Variants in ANO6 observed in about 807,000 individuals in gnomAD.
ANO6 encodes anoctamin-6.
ANO6 carries 106 observed loss-of-function variants against 117.5 expected under a neutral mutation model. The observed-to-expected ratio is 0.90, with a 90% CI of 0.77 to 1.06. ANO6 has a LOEUF of 1.06. Among genes scored for constraint, ANO6 ranks in the 50% least tolerant of loss-of-function variants. ANO6 has a pLI of 0.00. For missense variants in ANO6, 955 were observed against 1,121.1 expected (o/e 0.85, Z 2.12); for synonymous variants, 367 against 385.1 (o/e 0.95, Z 0.55).
chr12:45,359,050 C>T (rs921352660), intron 8 of ANO6, among the ~76,000 whole-genome samples: 1 of 152,188 alleles, frequency 6.6e-6, no homozygotes, highest in African/African-American at 2.4e-5. Context: ...TCCCAAAGTG[C>T]TGGGATTACA....
intron 1 of ANO6, among the ~76,000 whole-genome samples, chr12:45,246,895 G>A (rs935254684): frequency 6.6e-6 from 1 of 151,058 alleles, no homozygotes; most frequent in East Asian, 2.0e-4. Flanking sequence ...CTCCCAAGTA[G>A]CTGGGATTAC....
At position 45,272,386 on chromosome 12, in the gene ANO6, C is replaced by T. The variant is rs575060348; in HGVS notation, c.71-29628C>T. ...TTCAGTGTTTTCATCTATGTCCTGT[C>T]ATCAAACTTTTATAACTACCCTGCA... On this transcript the variant is annotated intron_variant, in intron 1 of 19. Coordinates refer to ENST00000320560, the MANE Select transcript of ANO6 (RefSeq NM_001025356.3). Among the ~76,000 whole-genome samples, 18 of 152,244 alleles carry T rather than the reference C, an allele frequency of 1.2e-4. No homozygotes were observed. In the South Asian group the frequency reaches 3.7e-3, roughly 32 times the overall value.
intron 7 of ANO6, among the ~76,000 whole-genome samples, chr12:45,355,004 T>C (rs1421427144): frequency 3.3e-5 from 5 of 152,136 alleles, no homozygotes; most frequent in African/African-American, 4.8e-5. Context: ...TTCTCGCATG[T>C]TATTTAGAGA....
Position 45,277,644 on chromosome 12 carries a change from C to T in ANO6, c.71-24370C>T, listed in dbSNP as rs140756694. Among the ~76,000 whole-genome samples, 857 of 152,118 alleles carry T rather than the reference C, an allele frequency of 5.6e-3. 3 individuals are homozygous for T. The highest frequency in any genetic ancestry group is 0.027 in the Middle Eastern group (8 of 294). ...GGCAGGTAATTTTTTTTTAAACTTG[C>T]GGGTCTGACAATGCTTGTATTTTTC... On this transcript the variant is annotated intron_variant, in intron 1 of 19. Transcript: ENST00000320560.
Position 45,216,125 on chromosome 12 carries a change from G to T in ANO6, c.-197G>T, listed in dbSNP as rs1020226126. ...CCGGGCTCCGCTCGGCAGGCGAGAG[G>T]CGTCCTCCGGCTCTGGGCTCCGGTC... On this transcript the variant is annotated 5_prime_UTR_variant, in exon 1 of 20. Coordinates refer to ENST00000320560, the MANE Select transcript of ANO6 (RefSeq NM_001025356.3). 1.5e-5 allele frequency: 9 copies of T among 598,180 alleles called. No individual in the cohort carries two copies. In the East Asian group the frequency reaches 2.4e-4, roughly 16 times the overall value. 37.1% of individuals were successfully genotyped at this position (598,180 alleles called of 1,614,324 possible). A position where few individuals can be genotyped will look rare whatever the true frequency, so the allele number is the denominator to read the frequency against.
chr12:45,224,463 G>C (rs1947451707), intron 1 of ANO6, among the ~76,000 whole-genome samples: 1 of 152,022 alleles, frequency 6.6e-6, no homozygotes, highest in Admixed American at 6.6e-5. Flanking sequence ...TCTCTACCAA[G>C]GAGATGACAG....
chr12:45,409,346 C>G lies in ANO6; in HGVS notation c.1881-11C>G. On this transcript the variant is annotated splice_polypyrimidine_tract_variant and intron_variant, in intron 15 of 19. Coordinates refer to ENST00000320560, the MANE Select transcript of ANO6 (RefSeq NM_001025356.3). ...TATTCGTTCTAATTTATAAATTGTT[C>G]TTTTTGGCAGCTGGATCATGAATCT... 1.2e-6 allele frequency: 2 copies of G among 1,613,598 alleles called. No individual in the cohort carries two copies. The highest frequency in any genetic ancestry group is 1.7e-6 in the Non-Finnish European group (2 of 1,179,712).
intron 1 of ANO6, among the ~76,000 whole-genome samples, chr12:45,234,389 A>G (rs1311807620): frequency 6.6e-6 from 1 of 152,070 alleles, no homozygotes; most frequent in Non-Finnish European, 1.5e-5. Flanking sequence ...CCAGAAGGTC[A>G]CCTTTTTTCC....
chr12:45,389,734 G>A (rs192014811), intron 11 of ANO6, among the ~76,000 whole-genome samples: 28 of 152,158 alleles, frequency 1.8e-4, no homozygotes, highest in South Asian at 2.1e-4. Flanking sequence ...TTAACTTCCC[G>A]GTGCCTCAGT....
intron 12 of ANO6, among the ~76,000 whole-genome samples, chr12:45,394,884 G>A (rs531256269): frequency 6.6e-6 from 1 of 152,188 alleles, no homozygotes; most frequent in East Asian, 1.9e-4. Flanking sequence ...TGCCCACAAA[G>A]GAAAGCAGGA....
intron 8 of ANO6, among the ~76,000 whole-genome samples, chr12:45,366,303 T>C (rs1352596679): frequency 6.6e-6 from 1 of 152,194 alleles, no homozygotes; most frequent in African/African-American, 2.4e-5. Context: ...TTGTGGTTTA[T>C]GCTGTTTCGT....
chr12:45,357,536 G>A (rs1211647749), intron 8 of ANO6, 112 bp downstream of exon 8: 2 of 1,354,700 alleles, frequency 1.5e-6, no homozygotes, highest in African/African-American at 2.9e-5. Flanking sequence ...AACATTCATT[G>A]CTTGGGATGA....
At chr12:45,364,375 A>G (rs1941631057) in intron 8 of ANO6, among the ~76,000 whole-genome samples, 1 of 152,166 alleles carries the variant, frequency 6.6e-6, no homozygotes, top group Admixed American at 6.5e-5. Context: ...TCAGCCATTG[A>G]TTCTTCAAAT....
intron 1 of ANO6, among the ~76,000 whole-genome samples, chr12:45,261,530 G>C (rs1482128616): frequency 6.6e-6 from 1 of 152,226 alleles, no homozygotes; most frequent in Non-Finnish European, 1.5e-5. Flanking sequence ...CTGAGGCCAG[G>C]AACACTCACA....
intron 3 of ANO6, among the ~76,000 whole-genome samples, chr12:45,332,857 A>G (rs1456012266): frequency 1.3e-5 from 2 of 152,210 alleles, no homozygotes; most frequent in East Asian, 1.9e-4. Flanking sequence ...CCTCAAAGTA[A>G]CTACATCAGT....
chr12:45,357,681 AAAAG>A (rs1941448519), intron 8 of ANO6, among the ~76,000 whole-genome samples: 1 of 152,204 alleles, frequency 6.6e-6, no homozygotes, highest in South Asian at 2.1e-4. Context: ...TTTTGTTTGA[AAAAG>A]AAAGGAGGAC....
intron 1 of ANO6, among the ~76,000 whole-genome samples, chr12:45,221,916 C>T (rs1278211134): frequency 2.2e-5 from 3 of 139,078 alleles, no homozygotes; most frequent in Non-Finnish European, 3.0e-5. Flanking sequence ...TTGTCTTGCT[C>T]TGTTGCCCAG....
intron 1 of ANO6, among the ~76,000 whole-genome samples, chr12:45,269,264 C>G (rs1241882693): frequency 6.6e-6 from 1 of 152,054 alleles, no homozygotes; most frequent in East Asian, 1.9e-4. Context: ...ATTTCCAGAC[C>G]CCTGGAGAGT....
chr12:45,349,621 A>G (rs1182414605), intron 6 of ANO6, among the ~76,000 whole-genome samples: 3 of 152,222 alleles, frequency 2.0e-5, no homozygotes, highest in Non-Finnish European at 4.4e-5. Flanking sequence ...TGTGTAGTAC[A>G]TGTATTTGTG....
Sources: allele counts gnomAD v4.1 joint callset (sites outside exome capture counted in the v4.1 genomes callset), GRCh38; gene constraint gnomAD v4.1.1; transcripts MANE v1.5; gene names NCBI Gene and HGNC (gene_info 2026-07-23, HGNC 2026-07-21).